Variants in GTF2A1 observed in about 807,000 individuals in gnomAD.
GTF2A1 encodes the protein transcription initiation factor IIA subunit 1.
Under a neutral mutation model 54.1 loss-of-function variants are expected in GTF2A1, and 12 were observed. The ratio of observed to expected loss-of-function variants is 0.22; its 90% confidence interval spans 0.14 to 0.36. The LOEUF is 0.36. Among genes scored for constraint, GTF2A1 ranks in the 10% least tolerant of loss-of-function variants. The probability of loss-of-function intolerance (pLI) is 1.00; values close to 1 mark genes in which losing one functional copy is unlikely to be tolerated. For missense variants in GTF2A1, 335 were observed against 442.2 expected (o/e 0.76, Z 2.17); for synonymous variants, 145 against 152.0 (o/e 0.95, Z 0.34).
At position 81,175,802 on chromosome 14, in the gene GTF2A1, AATT is replaced by A; in HGVS notation, c.*4418_*4420del. 1 of 152,322 alleles carries A rather than the reference AATT, an allele frequency of 6.6e-6. No individual in the cohort carries two copies. The highest frequency in any genetic ancestry group is 1.9e-4 in the East Asian group (1 of 5,194). 9.4% of individuals were successfully genotyped at this position (152,322 alleles called of 1,614,324 possible). A position where few individuals can be genotyped will look rare whatever the true frequency, so the allele number is the denominator to read the frequency against. On this transcript the variant is annotated 3_prime_UTR_variant, in exon 9 of 9. Transcript: ENST00000553612. ...AAATACTTATTTAATACAATATGTT[AATT>A]ATTAATATTTCACAAGGAGTAATCT...
At chr14:81,186,442 A>G (rs1363221111) in intron 7 of GTF2A1, among the ~76,000 whole-genome samples, 1 of 152,016 alleles carries the variant, frequency 6.6e-6, no homozygotes, top group East Asian at 1.9e-4. Flanking sequence ...AAGCAGAATT[A>G]AGATTCAGAC....
chr14:81,214,202 C>T (rs1893435555), intron 2 of GTF2A1, among the ~76,000 whole-genome samples: 1 of 152,158 alleles, frequency 6.6e-6, no homozygotes, highest in African/African-American at 2.4e-5. Context: ...GCAGCCTCGA[C>T]ACCTATGCTG....
chr14:81,187,968 C>T (rs1367635135), intron 7 of GTF2A1, among the ~76,000 whole-genome samples: 1 of 152,216 alleles, frequency 6.6e-6, no homozygotes, highest in Non-Finnish European at 1.5e-5. Context: ...TCCAATTTCT[C>T]CAAATCCTCA....
At chr14:81,209,808 C>T in intron 2 of GTF2A1, 1 of 592,806 alleles carries the variant, frequency 1.7e-6, no homozygotes, top group Non-Finnish European at 2.7e-6. Flanking sequence ...TCTCAACAGC[C>T]TCAAAGAAAA....
chr14:81,203,197 C>T (rs1025978942), intron 3 of GTF2A1, among the ~76,000 whole-genome samples: 1 of 152,210 alleles, frequency 6.6e-6, no homozygotes, highest in Admixed American at 6.5e-5. Flanking sequence ...GGCTATTTTA[C>T]AAAGCCCTTA....
intron 6 of GTF2A1, among the ~76,000 whole-genome samples, chr14:81,193,221 C>T (rs1342798759): frequency 6.7e-6 from 1 of 150,348 alleles, no homozygotes; most frequent in Non-Finnish European, 1.5e-5. Flanking sequence ...GGCTGGAGTG[C>T]AATGGTGTGA....
rs574455650 is a variant in GTF2A1 at position 81,177,029 on chromosome 14, C to T, written c.*3194G>A. ...AGTATACTCTTAGAGGGAGACAACTCTTTTCATTCCTCCATAAAAGCCAGG... is the reference window on the plus strand; with the variant it reads ...AGTATACTCTTAGAGGGAGACAACTTTTTTCATTCCTCCATAAAAGCCAGG... On this transcript the variant is annotated 3_prime_UTR_variant, in exon 9 of 9. Coordinates refer to ENST00000553612, the MANE Select transcript of GTF2A1 (RefSeq NM_015859.4). 1 of 152,046 alleles carries T rather than the reference C, an allele frequency of 6.6e-6. No homozygotes were observed. The highest frequency in any genetic ancestry group is 2.1e-4 in the South Asian group (1 of 4,828). The allele number at this position is 152,046 out of a possible 1,614,324, so 9.4% of individuals were successfully genotyped here. A position where few individuals can be genotyped will look rare whatever the true frequency, so the allele number is the denominator to read the frequency against.
At chr14:81,181,113 A>T (rs12880512) in intron 8 of GTF2A1, among the ~76,000 whole-genome samples, 41 of 152,156 alleles carry the variant, frequency 2.7e-4, no homozygotes, top group Non-Finnish European at 5.1e-4. Context: ...GTTAAACAAA[A>T]AGAGCTGAAG....
intron 8 of GTF2A1, among the ~76,000 whole-genome samples, chr14:81,184,784 T>G (rs976896305): frequency 3.9e-5 from 6 of 152,204 alleles, no homozygotes; most frequent in African/African-American, 1.4e-4. Flanking sequence ...TGTTAGAATT[T>G]TTAGCATTTG....
chr14:81,215,634 C>G (rs1893472068), intron 2 of GTF2A1, among the ~76,000 whole-genome samples: 1 of 152,120 alleles, frequency 6.6e-6, no homozygotes, highest in Non-Finnish European at 1.5e-5. Context: ...AAACATTCGG[C>G]CTACATAAAG....
Position 81,220,522 on chromosome 14 carries a change from C to T in GTF2A1, c.-4G>A. 1 of 1,571,212 alleles carries T rather than the reference C, an allele frequency of 6.4e-7. No individual in the cohort carries two copies. The highest frequency in any genetic ancestry group is 1.2e-5 in the South Asian group (1 of 86,254). On this transcript the variant is annotated 5_prime_UTR_variant, in exon 1 of 9. Transcript: ENST00000553612. The stretch of plus-strand genomic sequence containing the variant: ...TTGTATTTGCCGAGTTCGCCATTTC[C>T]ACACACAACACAAACAAGAGGGGGC...
intron 1 of GTF2A1, among the ~76,000 whole-genome samples, chr14:81,219,220 C>T (rs865972683): frequency 9.8e-5 from 15 of 152,294 alleles, no homozygotes; most frequent in Admixed American, 9.1e-4. Flanking sequence ...GGGAACAAAA[C>T]CAAAACTTGG....
At chr14:81,202,597 G>C in intron 3 of GTF2A1, 1 of 498,412 alleles carries the variant, frequency 2.0e-6, no homozygotes, top group Non-Finnish European at 4.0e-6. Flanking sequence ...CCTGAAAGCA[G>C]GGGACCACCA....
chr14:81,199,409 G>A (rs890896016), intron 4 of GTF2A1, among the ~76,000 whole-genome samples: 7 of 152,072 alleles, frequency 4.6e-5, no homozygotes, highest in African/African-American at 1.2e-4. Context: ...AAAAAGAACC[G>A]AAAACAATGG....
intron 6 of GTF2A1, among the ~76,000 whole-genome samples, chr14:81,193,666 T>G (rs142214961): frequency 6.6e-6 from 1 of 152,322 alleles, no homozygotes; most frequent in African/African-American, 2.4e-5. Context: ...AAAAGCTAAT[T>G]ATTTTTCTAA....
chr14:81,180,515 G>C (rs1892617839), intron 8 of GTF2A1, among the ~76,000 whole-genome samples, 185 bp from the exon 9 acceptor site: 1 of 151,976 alleles, frequency 6.6e-6, no homozygotes. Flanking sequence ...TGCAGGCTGG[G>C]CTCGAGCTCC....
intron 8 of GTF2A1, among the ~76,000 whole-genome samples, chr14:81,184,096 T>C (rs1291831944): frequency 6.6e-6 from 1 of 152,238 alleles, no homozygotes; most frequent in African/African-American, 2.4e-5. Context: ...AACAGTAAAG[T>C]AATGTCTCTG....
chr14:81,192,712 T>A lies in GTF2A1; in HGVS notation c.740A>T (p.Gln247Leu). ...PTTVAAPTPA[Q>L]AQITATGQQQ... ...CTGGCCAGTTGCAGTTATCTGTGCT[T>A]GGGCTGGTGTAGGTGCTGCCACTGT... Residue 247 changes from glutamine to leucine, a missense_variant, in exon 7 of 9, where the codon CAA becomes CTA. Physicochemically the swap from Gln to Leu is moderately radical, Grantham distance 113. Coordinates refer to ENST00000553612, the MANE Select transcript of GTF2A1 (RefSeq NM_015859.4). 6.2e-7 allele frequency: 1 copy of A among 1,614,188 alleles called. No homozygotes were observed. The highest frequency in any genetic ancestry group is 8.5e-7 in the Non-Finnish European group (1 of 1,179,998).
intron 2 of GTF2A1, among the ~76,000 whole-genome samples, chr14:81,206,398 T>C (rs1893231425): frequency 6.6e-6 from 1 of 152,140 alleles, no homozygotes; most frequent in Non-Finnish European, 1.5e-5. Flanking sequence ...GTTTCCTGCA[T>C]CAAGTCATAC....
Sources: allele counts gnomAD v4.1 joint callset (sites outside exome capture counted in the v4.1 genomes callset), GRCh38; gene constraint gnomAD v4.1.1; transcripts MANE v1.5; gene names NCBI Gene and HGNC (gene_info 2026-07-23, HGNC 2026-07-21).